Variants in IST1 observed in about 807,000 individuals in gnomAD.
IST1 encodes IST1 factor associated with ESCRT-III.
In IST1, 23 loss-of-function variants were observed where a neutral mutation model predicts 37.0. The ratio of observed to expected loss-of-function variants is 0.62; its 90% CI spans 0.45 to 0.88. The LOEUF is 0.88. IST1 is among the 40% of genes least tolerant of loss of function. The pLI, the probability that IST1 is intolerant of heterozygous loss-of-function variation, is 0.00. For synonymous variants in IST1, 180 were observed against 161.7 expected (o/e 1.11, Z -0.86); for missense variants, 488 against 445.4 (o/e 1.10, Z -0.86).
chr16:71,899,992 G>C (rs1410120874), intron 1 of IST1, among the ~76,000 whole-genome samples: 3 of 100,636 alleles, frequency 3.0e-5, no homozygotes, highest in Non-Finnish European at 4.1e-5. Flanking sequence ...ACAAGACTCT[G>C]TCTCAAAAAA....
chr16:71,927,666 T>A lies in IST1; in HGVS notation c.954T>A (p.Asp318Glu). The change falls in exon 10 of 10, where the codon GAT becomes GAA. Residue 318 changes from aspartate (D) to glutamate (E), a missense_variant. Transcript: ENST00000378799. Reference protein sequence around the residue: ...ASAKLPSRPADNYDNFVLPEL... With the variant: ...ASAKLPSRPAENYDNFVLPEL... ...CAAAGCTTCCTTCCAGACCTGCAGA[T>A]AACTATGACAACTTTGTCCTACCAG... The A allele has an allele frequency of 1.2e-6, 2 of 1,613,934 alleles. No homozygotes were observed. Among genetic ancestry groups the A allele is most frequent in the Non-Finnish European group, 1.7e-6 (2 of 1,179,864 alleles).
intron 9 of IST1, among the ~76,000 whole-genome samples, chr16:71,926,115 C>G (rs1407237953): frequency 6.6e-6 from 1 of 151,864 alleles, no homozygotes; most frequent in African/African-American, 2.4e-5. Flanking sequence ...AACCCTGTCT[C>G]TACTAAAAAT....
At chr16:71,925,889 G>C (rs934651771) in intron 9 of IST1, among the ~76,000 whole-genome samples, 11 of 152,246 alleles carry the variant, frequency 7.2e-5, no homozygotes, top group African/African-American at 2.2e-4. Context: ...TACAGTGAGT[G>C]ATCATTGTAC....
At chr16:71,916,101 G>A (rs2037460693) in intron 2 of IST1, among the ~76,000 whole-genome samples, 2 of 152,242 alleles carry the variant, frequency 1.3e-5, no homozygotes, top group South Asian at 4.2e-4. Flanking sequence ...CAAAGTGCTG[G>A]GATTACAGGC....
intron 9 of IST1, among the ~76,000 whole-genome samples, chr16:71,925,858 C>CT (rs1390347072): frequency 1.3e-5 from 2 of 152,142 alleles, no homozygotes; most frequent in Non-Finnish European, 2.9e-5. Context: ...AAGAGGCGTT[C>CT]TTAGCCCAGG....
intron 9 of IST1, among the ~76,000 whole-genome samples, chr16:71,927,226 G>A (rs2037765269): frequency 6.6e-6 from 1 of 152,014 alleles, no homozygotes; most frequent in African/African-American, 2.4e-5. Flanking sequence ...TTAGCCAGAT[G>A]CGGTGGCTCA....
rs985991237 is a variant in IST1, at chr16:71,930,565, C to G, written c.*2752C>G. The G allele has an allele frequency of 1.3e-5, 2 of 157,308 alleles. No individual in the cohort carries two copies. The highest frequency in any genetic ancestry group is 4.8e-5 in the African/African-American group (2 of 41,640). 9.7% of individuals were successfully genotyped at this position (157,308 alleles called of 1,614,324 possible). A position where few individuals can be genotyped will look rare whatever the true frequency, so the allele number is the denominator to read the frequency against. On this transcript the variant is annotated 3_prime_UTR_variant, in exon 10 of 10. Coordinates refer to ENST00000378799, the MANE Select transcript of IST1 (RefSeq NM_001270975.2). ...TACCAGAAATGAGAATGCACACTGT[C>G]TCTGCCATATCAAGAAACTACAACC...
chr16:71,899,746 G>A (rs949790468), intron 1 of IST1, among the ~76,000 whole-genome samples: 1 of 151,406 alleles, frequency 6.6e-6, no homozygotes, highest in Admixed American at 6.6e-5. Flanking sequence ...GCGAACAGCC[G>A]GGCATGGTGG....
intron 1 of IST1, among the ~76,000 whole-genome samples, chr16:71,899,729 T>C (rs1384141650): frequency 1.4e-5 from 2 of 145,670 alleles, no homozygotes; most frequent in Non-Finnish European, 3.0e-5. Context: ...TAGAAAAAAT[T>C]AGCTGGGCGA....
chr16:71,905,458 A>C (rs2037203074), intron 1 of IST1, among the ~76,000 whole-genome samples: 1 of 151,256 alleles, frequency 6.6e-6, no homozygotes, highest in Middle Eastern at 3.4e-3. Flanking sequence ...AGCTCACTGC[A>C]ACCTTCGTCT....
At chr16:71,896,798 A>G (rs1463582453) in intron 1 of IST1, among the ~76,000 whole-genome samples, 1 of 152,032 alleles carries the variant, frequency 6.6e-6, no homozygotes, top group Non-Finnish European at 1.5e-5. Flanking sequence ...TGGGCAACAT[A>G]GCAAAATCCC....
chr16:71,896,910 G>A (rs1274546588), intron 1 of IST1, among the ~76,000 whole-genome samples: 1 of 151,924 alleles, frequency 6.6e-6, no homozygotes, highest in Non-Finnish European at 1.5e-5. Flanking sequence ...GGAGATTATA[G>A]TGAGTCGGTA....
Position 71,923,303 on chromosome 16 carries a change from C to T in IST1, c.775C>T (p.Leu259=), listed in dbSNP as rs944791671. Residue 259 remains leucine (L), a synonymous_variant, in exon 8 of 10, where the codon CTG becomes TTG. Coordinates refer to ENST00000378799, the MANE Select transcript of IST1 (RefSeq NM_001270975.2). ...CCTCTTACAGTCAGATTTCAATGGA[C>T]TGCCAATGGGGACTTATCAGGCCTT... ...LPKGPSDFNG[L]PMGTYQAFPN... 14 of 1,608,684 alleles carry T rather than the reference C, an allele frequency of 8.7e-6. No individual in the cohort carries two copies. In the Middle Eastern group the frequency reaches 5.0e-4, roughly 57 times the overall value.
intron 1 of IST1, among the ~76,000 whole-genome samples, chr16:71,907,437 C>A (rs1047955481): frequency 1.9e-4 from 29 of 151,922 alleles, no homozygotes; most frequent in African/African-American, 7.0e-4. Context: ...GCCACCACGC[C>A]CGGCTAATTT....
intron 1 of IST1, among the ~76,000 whole-genome samples, chr16:71,904,624 G>C (rs570150322): frequency 6.6e-6 from 1 of 152,100 alleles, no homozygotes; most frequent in Non-Finnish European, 1.5e-5. Flanking sequence ...TCTTAGTCTG[G>C]TCTTGAACTC....
chr16:71,929,445 A>T lies in IST1; in HGVS notation c.*1632A>T. ...ATTTTGATTCCTAACTTACAGAATT[A>T]AAAACAAAGTATATTATAATTTTAA... On this transcript the variant is annotated 3_prime_UTR_variant, in exon 10 of 10. Coordinates refer to ENST00000378799, the MANE Select transcript of IST1 (RefSeq NM_001270975.2). 7.8e-7 allele frequency: 1 copy of T among 1,275,204 alleles called. No homozygotes were observed. The highest frequency in any genetic ancestry group is 1.1e-6 in the Non-Finnish European group (1 of 950,866). 79.0% of individuals were successfully genotyped at this position (1,275,204 alleles called of 1,614,324 possible).
chr16:71,895,518 C>T (rs554090889), upstream of IST1: 5 of 985,628 alleles, frequency 5.1e-6, no homozygotes, highest in African/African-American at 1.7e-5. Flanking sequence ...GTGCTGAGGC[C>T]GAGGGAGTCG....
At chr16:71,926,500 C>A (rs1015530026) in intron 9 of IST1, among the ~76,000 whole-genome samples, 1 of 151,956 alleles carries the variant, frequency 6.6e-6, no homozygotes, top group Non-Finnish European at 1.5e-5. Context: ...TCCCCCACCA[C>A]GCCTGGCTAA....
In IST1 at chr16:71,922,705, A is replaced by G. The variant is rs762523579; in HGVS notation, c.759+25A>G. 12 of 843,698 alleles carry G rather than the reference A, an allele frequency of 1.4e-5. No individual in the cohort carries two copies. The Admixed American group carries it at 1.9e-4, about 14-fold the overall frequency. 52.3% of individuals were successfully genotyped at this position (843,698 alleles called of 1,614,324 possible). On this transcript the variant is annotated intron_variant, in intron 7 of 9. Coordinates refer to ENST00000378799, the MANE Select transcript of IST1 (RefSeq NM_001270975.2). ...AGTAAGTATATATAAGTGTGGATGT[A>G]AGCTTTAGAAAATGTTATAGATAAC... is the stretch of plus-strand genomic sequence containing the variant.
Sources: gnomAD v4.1 joint callset for allele counts (sites outside exome capture counted in the v4.1 genomes callset) on GRCh38, gnomAD v4.1.1 for gene constraint, MANE v1.5 for transcripts, NCBI Gene and HGNC (gene_info 2026-07-23, HGNC 2026-07-21) for gene names.